LMCD1: variants seen among roughly 807,000 people sequenced by gnomAD.
LMCD1 encodes the protein LIM and cysteine rich domains 1.
In LMCD1, 32 loss-of-function variants were observed where a neutral mutation model predicts 42.7. The ratio of observed to expected loss-of-function variants is 0.75; its 90% CI spans 0.57 to 1.01. LMCD1 has a LOEUF of 1.01. LMCD1 is among the 50% of genes least tolerant of loss of function. LMCD1 has a pLI of 0.00. For synonymous variants in LMCD1, 178 were observed against 184.9 expected (o/e 0.96, Z 0.30); for missense variants, 458 against 483.1 (o/e 0.95, Z 0.49).
At chr3:8,514,938 G>A (rs1694070993) in intron 1 of LMCD1, 1 of 456,524 alleles carries the variant, frequency 2.2e-6, no homozygotes, top group Admixed American at 2.4e-5. Context: ...GTGATCACAT[G>A]GGATATACAT....
At chr3:8,548,974 C>G (rs1694790694) in intron 4 of LMCD1, 71 bp downstream of exon 4, 1 of 1,168,106 alleles carries the variant, frequency 8.6e-7, no homozygotes, top group Middle Eastern at 2.4e-4. Flanking sequence ...AGGGCCCCAT[C>G]ACGGGGCTTT....
chr3:8,573,904 G>T lies in LMCD1; in HGVS notation c.*6306G>T, dbSNP rs945992736. The T allele has an allele frequency of 4.0e-5, 6 of 151,018 alleles. No individual in the cohort carries two copies. The highest frequency in any genetic ancestry group is 1.5e-4 in the African/African-American group (6 of 41,130). 9.4% of individuals were successfully genotyped at this position (151,018 alleles called of 1,614,324 possible). A position where few individuals can be genotyped will look rare whatever the true frequency, so the allele number is the denominator to read the frequency against. ...AAAAAAAAAAAAGAAGAAAAGAAAA[G>T]AAAAAATATGAGAGGGGTTTTGCTT... On this transcript the variant is annotated 3_prime_UTR_variant, in exon 6 of 6. Transcript: ENST00000157600.
Position 8,504,850 on chromosome 3 carries a change from G to A in LMCD1, c.42+2870G>A, listed in dbSNP as rs370466665. ...CATTTTTCTGGGTGAAACCAATCTCGACTATGGATTTGTTCTTGTTTATTA... is the reference window on the plus strand; with the variant it reads ...CATTTTTCTGGGTGAAACCAATCTCAACTATGGATTTGTTCTTGTTTATTA... On this transcript the variant is annotated intron_variant, in intron 1 of 5. Transcript: ENST00000157600. Among the ~76,000 whole-genome samples the A allele has an allele frequency of 6.6e-5, 10 of 152,294 alleles. No individual in the cohort carries two copies. The East Asian group carries it at 1.5e-3, about 23-fold the overall frequency.
At chr3:8,556,886 G>T (rs1694940174) in intron 4 of LMCD1, among the ~76,000 whole-genome samples, 1 of 152,132 alleles carries the variant, frequency 6.6e-6, no homozygotes, top group African/African-American at 2.4e-5. Context: ...GCCTTGCTTG[G>T]CAGAGAGCCC....
intron 1 of LMCD1, among the ~76,000 whole-genome samples, chr3:8,523,038 C>G (rs556326232): frequency 6.6e-6 from 1 of 152,304 alleles, no homozygotes; most frequent in Admixed American, 6.5e-5. Flanking sequence ...GCTGCCGATT[C>G]AGGCACTTCT....
intron 4 of LMCD1, among the ~76,000 whole-genome samples, chr3:8,557,402 A>C (rs1464769177): frequency 2.6e-5 from 4 of 152,212 alleles, no homozygotes; most frequent in African/African-American, 4.8e-5. Flanking sequence ...GTTAATATTT[A>C]CTGTATTGTA....
chr3:8,563,200 C>T (rs1695070515), intron 4 of LMCD1, among the ~76,000 whole-genome samples: 1 of 152,196 alleles, frequency 6.6e-6, no homozygotes, highest in African/African-American at 2.4e-5. Context: ...GAACAGGTAT[C>T]AAACAACCAT....
At chr3:8,564,505 C>G (rs1695094283) in intron 4 of LMCD1, among the ~76,000 whole-genome samples, 1 of 152,112 alleles carries the variant, frequency 6.6e-6, no homozygotes. Flanking sequence ...CTCCTGGCCT[C>G]AAATGATCCT....
At position 8,546,400 on chromosome 3, in the gene LMCD1, C is replaced by G. The variant is rs1056909023; in HGVS notation, c.388-2168C>G. Among the ~76,000 whole-genome samples the G allele has an allele frequency of 7.9e-5, 12 of 152,208 alleles. 1 individual carries two copies. Among genetic ancestry groups the G allele is most frequent in the Non-Finnish European group, 7.3e-5 (5 of 68,040 alleles). ...GGCCCATGGGCTGTGGTTGGAGCAG[C>G]TTGGTAGGCGCTGTGGTTCTTTTAA... is the stretch of plus-strand genomic sequence containing the variant. On this transcript the variant is annotated intron_variant, in intron 3 of 5. Transcript: ENST00000157600.
intron 4 of LMCD1, among the ~76,000 whole-genome samples, chr3:8,564,765 A>G (rs1695098201): frequency 6.6e-6 from 1 of 152,200 alleles, no homozygotes; most frequent in South Asian, 2.1e-4. Context: ...TCAAAGAAGA[A>G]TATCCACAGT....
intron 3 of LMCD1, among the ~76,000 whole-genome samples, chr3:8,537,880 A>G (rs1694541903): frequency 6.6e-6 from 1 of 152,126 alleles, no homozygotes; most frequent in South Asian, 2.1e-4. Context: ...AAATGCTGAA[A>G]CCTATTGGTC....
Position 8,508,336 on chromosome 3 carries a change from C to A in LMCD1, c.42+6356C>A, listed in dbSNP as rs73810477. On this transcript the variant is annotated intron_variant, in intron 1 of 5. Coordinates refer to ENST00000157600, the MANE Select transcript of LMCD1 (RefSeq NM_014583.4). ...AGCCAAACATGGCCTGGGCCCCCAC[C>A]GGGACATGCTTTAAAAGGAAATATA... Among the ~76,000 whole-genome samples the A allele has an allele frequency of 2.5e-3, 384 of 152,170 alleles. 2 individuals carry two copies. Among genetic ancestry groups the A allele is most frequent in the African/African-American group, 8.8e-3 (367 of 41,510 alleles).
intron 4 of LMCD1, among the ~76,000 whole-genome samples, chr3:8,554,946 G>A (rs1440205649): frequency 2.0e-5 from 3 of 152,030 alleles, no homozygotes; most frequent in African/African-American, 4.8e-5. Flanking sequence ...CCTGCCGGGC[G>A]CCTCCCCGTC....
rs767993356 is a variant in LMCD1, at chr3:8,524,200, GAAAA to G, written c.43-8520_43-8517del. 5.4e-3 allele frequency among the ~76,000 whole-genome samples: 472 copies of G among 87,474 alleles called. 7 individuals are homozygous for G. Among genetic ancestry groups the G allele is most frequent in the African/African-American group, 0.018 (433 of 23,524 alleles). The allele number at this position is 87,474 out of a possible 152,430, so 57.4% of individuals were successfully genotyped here. ...CCCCAGAAAAATCATACTTCTTAAG[GAAAA>G]AAAAAAAAAAAAAAAAGACTTCCCA... On this transcript the variant is annotated intron_variant, in intron 1 of 5. Coordinates refer to ENST00000157600, the MANE Select transcript of LMCD1 (RefSeq NM_014583.4).
chr3:8,529,131 A>C (rs2125020624), intron 1 of LMCD1, among the ~76,000 whole-genome samples: 1 of 152,206 alleles, frequency 6.6e-6, no homozygotes, highest in Non-Finnish European at 1.5e-5. Flanking sequence ...CTGTTTATAA[A>C]CCAGAGTATC....
In LMCD1 at chr3:8,565,423, T is replaced by C; in HGVS notation, c.724-9T>C. Reference sequence around the variant, plus strand: ...CCTTGTCTCCTATGGTCCTTCCCCATCCTTCCAGGTCTGCGAGCTCTGCAA... The same window carrying C: ...CCTTGTCTCCTATGGTCCTTCCCCACCCTTCCAGGTCTGCGAGCTCTGCAA... On this transcript the variant is annotated splice_polypyrimidine_tract_variant and intron_variant, in intron 4 of 5. Transcript: ENST00000157600. The C allele has an allele frequency of 6.2e-7, 1 of 1,611,058 alleles. No individual in the cohort carries two copies. Among genetic ancestry groups the C allele is most frequent in the Non-Finnish European group, 8.5e-7 (1 of 1,177,334 alleles).
chr3:8,565,107 T>C (rs1695102958), intron 4 of LMCD1, among the ~76,000 whole-genome samples: 1 of 152,222 alleles, frequency 6.6e-6, no homozygotes, highest in African/African-American at 2.4e-5. Context: ...TAATTTCTCT[T>C]ATGGTAAATA....
chr3:8,510,035 C>A (rs909327236), intron 1 of LMCD1, among the ~76,000 whole-genome samples: 2 of 152,188 alleles, frequency 1.3e-5, no homozygotes, highest in Non-Finnish European at 2.9e-5. Context: ...GTACTGATGT[C>A]AGGGACACCA....
chr3:8,502,049 G>A lies in LMCD1; in HGVS notation c.42+69G>A, dbSNP rs1489501220. ...CTTGTTCCCCTTCCCATCTGTTCGC[G>A]GAAACTTCCCAAAAGGTAATGAGAA... On this transcript the variant is annotated intron_variant, in intron 1 of 5. Transcript: ENST00000157600. 2.1e-6 allele frequency: 3 copies of A among 1,447,922 alleles called. No individual in the cohort carries two copies. In the Admixed American group the frequency reaches 5.9e-5, roughly 28 times the overall value. 89.7% of individuals were successfully genotyped at this position (1,447,922 alleles called of 1,614,324 possible). A position where few individuals can be genotyped will look rare whatever the true frequency, so the allele number is the denominator to read the frequency against.
Sources: gnomAD v4.1 joint callset for allele counts (sites outside exome capture counted in the v4.1 genomes callset) on GRCh38, gnomAD v4.1.1 for gene constraint, MANE v1.5 for transcripts, NCBI Gene and HGNC (gene_info 2026-07-23, HGNC 2026-07-21) for gene names.